Variants in SEMA5A observed in about 807,000 individuals in gnomAD.
SEMA5A encodes the protein semaphorin-5A.
SEMA5A carries 55 observed loss-of-function variants against 135.5 expected under a neutral mutation model. That is an observed-to-expected ratio of 0.41 (90% CI 0.33 to 0.51). The LOEUF (loss-of-function observed/expected upper bound fraction) is 0.51. SEMA5A is among the 20% of genes least tolerant of loss of function. SEMA5A has a pLI of 0.37. For synonymous variants in SEMA5A, 580 were observed against 546.5 expected, an observed-to-expected ratio of 1.06 and a Z score of -0.85; for missense variants, 1,290 against 1,419.9, an observed-to-expected ratio of 0.91 and a Z score of 1.47.
chr5:9,395,361 T>A (rs1756343834), intron 2 of SEMA5A, among the ~76,000 whole-genome samples: 1 of 152,182 alleles, frequency 6.6e-6, no homozygotes, highest in South Asian at 2.1e-4. Flanking sequence ...ATCTTTGTTA[T>A]TCTCATGTAA....
rs542136985 is a variant in SEMA5A, at chr5:9,322,591, T to C, written c.225-4174A>G. 1.1e-4 allele frequency among the ~76,000 whole-genome samples: 16 copies of C among 152,260 alleles called. No homozygotes were observed. The South Asian group carries it at 3.1e-3, about 30-fold the overall frequency. ...ATTCCATATTTTTAATCTAATAATA[T>C]AGAGTCTAAGAAATCAAGAACTAAG... On this transcript the variant is annotated intron_variant, in intron 4 of 22. Transcript: ENST00000382496.
chr5:9,112,625 A>G (rs2150164526), intron 15 of SEMA5A, among the ~76,000 whole-genome samples: 1 of 152,338 alleles, frequency 6.6e-6, no homozygotes, highest in South Asian at 2.1e-4. Context: ...CAGCAAACAT[A>G]CTGATGAAGA....
At chr5:9,104,459 A>G (rs1237811687) in intron 16 of SEMA5A, among the ~76,000 whole-genome samples, 3 of 152,226 alleles carry the variant, frequency 2.0e-5, no homozygotes, top group Non-Finnish European at 2.9e-5. Flanking sequence ...TCATCCAACA[A>G]CAATTGTTAC....
chr5:9,111,977 C>G (rs142312802), intron 15 of SEMA5A, among the ~76,000 whole-genome samples: 1,592 of 152,248 alleles, frequency 0.01, 19 homozygotes, highest in Non-Finnish European at 0.019. Flanking sequence ...GATAAAATAT[C>G]TACACAATGG....
chr5:9,394,918 T>A (rs761032178), intron 2 of SEMA5A, among the ~76,000 whole-genome samples: 2 of 152,170 alleles, frequency 1.3e-5, no homozygotes, highest in Non-Finnish European at 2.9e-5. Context: ...TATTTATCTA[T>A]AGATTAAAAA....
At chr5:9,240,637 C>G (rs1052855029) in intron 5 of SEMA5A, among the ~76,000 whole-genome samples, 1 of 151,982 alleles carries the variant, frequency 6.6e-6, no homozygotes, top group South Asian at 2.1e-4. Flanking sequence ...CTCACAGTGA[C>G]GCATTTTTCT....
chr5:9,204,150 A>AC lies in SEMA5A; in HGVS notation c.647-1911dup, dbSNP rs747178046. On this transcript the variant is annotated intron_variant, in intron 8 of 22. Transcript: ENST00000382496. The surrounding 1 kb of genome is among the most constrained non-coding windows in gnomAD (Gnocchi z 6.4). ...TAAATTATTTTGGAATGGGTCCTGC[A>AC]CCCTGGCTAAACAAAACTAGAGTTT... 6.6e-6 allele frequency among the ~76,000 whole-genome samples: 1 copy of AC among 152,204 alleles called. No individual in the cohort carries two copies. The highest frequency in any genetic ancestry group is 1.5e-5 in the Non-Finnish European group (1 of 68,044).
intron 2 of SEMA5A, among the ~76,000 whole-genome samples, chr5:9,434,752 G>A (rs1357300799): frequency 6.6e-6 from 1 of 152,128 alleles, no homozygotes; most frequent in African/African-American, 2.4e-5. Context: ...CTATTAAGGT[G>A]AAGCACACTT....
At chr5:9,312,925 C>A (rs1752208982) in intron 5 of SEMA5A, among the ~76,000 whole-genome samples, 1 of 152,152 alleles carries the variant, frequency 6.6e-6, no homozygotes, top group African/African-American at 2.4e-5. Context: ...AGCTGAGCCG[C>A]CATGTGTGAC....
In SEMA5A at chr5:9,038,910, G is replaced by A. The variant is rs1735804665; in HGVS notation, c.*3987C>T. ...GGCTGGCTAATATTTTGTATATTTT[G>A]TAGAGATGGAGTTTCCCCATGTTGC... is the stretch of plus-strand genomic sequence containing the variant. On this transcript the variant is annotated 3_prime_UTR_variant, in exon 23 of 23. Coordinates refer to ENST00000382496, the MANE Select transcript of SEMA5A (RefSeq NM_003966.3). 1.3e-5 allele frequency: 2 copies of A among 151,546 alleles called. No individual in the cohort carries two copies. Among genetic ancestry groups the A allele is most frequent in the African/African-American group, 2.5e-5 (1 of 40,802 alleles). 9.4% of individuals were successfully genotyped at this position (151,546 alleles called of 1,614,324 possible). A position where few individuals can be genotyped will look rare whatever the true frequency, so the allele number is the denominator to read the frequency against.
intron 2 of SEMA5A, among the ~76,000 whole-genome samples, chr5:9,400,947 A>T (rs898820034): frequency 6.6e-6 from 1 of 152,142 alleles, no homozygotes; most frequent in African/African-American, 2.4e-5. Flanking sequence ...TATTTCCATG[A>T]TTTATTTAAT....
At position 9,042,962 on chromosome 5, in the gene SEMA5A, G is replaced by A. The variant is rs749333292; in HGVS notation, c.3160C>T (p.His1054Tyr). ...LEERNKYFNP[H>Y]LTGKTYSNAY... ...TTAGAATAGGTCTTCCCAGTGAGAT[G>A]TGGGTTGAAGTATTTGTTTCTTTCC... The change falls in exon 23 of 23, where the codon CAT (histidine) becomes TAT (tyrosine). Residue 1054 changes from histidine to tyrosine, a missense_variant. Around this residue, in one of 3 missense-constraint regions of SEMA5A, gnomAD observed 1,029 missense variants for 1,086.6 expected, o/e 0.95. Transcript: ENST00000382496. The A allele has an allele frequency of 5.0e-6, 8 of 1,612,402 alleles. No homozygotes were observed. The Admixed American group carries it at 1.2e-4, about 24-fold the overall frequency.
At chr5:9,285,786 C>G (rs781019934) in intron 5 of SEMA5A, among the ~76,000 whole-genome samples, 2 of 152,190 alleles carry the variant, frequency 1.3e-5, no homozygotes, top group East Asian at 3.8e-4. Flanking sequence ...GGGTGACCTC[C>G]TATAATGACC....
intron 5 of SEMA5A, among the ~76,000 whole-genome samples, chr5:9,283,678 T>C (rs1372952604): frequency 1.3e-5 from 2 of 152,162 alleles, no homozygotes; most frequent in African/African-American, 4.8e-5. Flanking sequence ...GGGGCCATCT[T>C]AGAATTCCAC....
At chr5:9,340,656 T>G (rs1299261621) in intron 3 of SEMA5A, among the ~76,000 whole-genome samples, 1 of 152,142 alleles carries the variant, frequency 6.6e-6, no homozygotes, top group Non-Finnish European at 1.5e-5. Context: ...TGTTCAAGTT[T>G]CCTTATTTGA....
chr5:9,244,004 C>T (rs1748348468), intron 5 of SEMA5A, among the ~76,000 whole-genome samples: 1 of 152,160 alleles, frequency 6.6e-6, no homozygotes, highest in Non-Finnish European at 1.5e-5. Flanking sequence ...ATTCCCTTGT[C>T]ATAGAATGTA....
intron 2 of SEMA5A, chr5:9,390,843 C>T (rs1756128718): frequency 6.6e-6 from 1 of 152,060 alleles, no homozygotes; most frequent in South Asian, 2.1e-4. Flanking sequence ...GCAAAAAATC[C>T]AAAGTAGGTT....
intron 5 of SEMA5A, among the ~76,000 whole-genome samples, chr5:9,306,839 TA>T (rs1482030148): frequency 1.3e-5 from 2 of 152,226 alleles, no homozygotes; most frequent in East Asian, 3.8e-4. Context: ...GAACAGTACA[TA>T]GGTTCCCTTC....
chr5:9,094,368 AAAG>A (rs568198370), intron 16 of SEMA5A, among the ~76,000 whole-genome samples: 17 of 152,390 alleles, frequency 1.1e-4, no homozygotes, highest in African/African-American at 4.1e-4. Context: ...ATTAATGATC[AAAG>A]ATGATGCATG....
Sources: gnomAD v4.1 joint callset for allele counts (sites outside exome capture counted in the v4.1 genomes callset) on GRCh38, gnomAD v4.1.1 for gene constraint, gnomAD v4.1.1 regional missense constraint, Gnocchi (gnomAD v3.1) non-coding constraint, MANE v1.5 for transcripts, NCBI Gene and HGNC (gene_info 2026-07-23, HGNC 2026-07-21) for gene names.